ZNF280D: variants seen among roughly 807,000 people sequenced by gnomAD.
ZNF280D encodes zinc finger protein 280D.
Under a neutral mutation model 94.7 loss-of-function variants are expected in ZNF280D, and 39 were observed. That is an observed-to-expected ratio of 0.41 (90% CI 0.32 to 0.54). The LOEUF (loss-of-function observed/expected upper bound fraction) is 0.54, where lower values mean the gene tolerates loss of function less well. Ranked by LOEUF, ZNF280D falls within the 20% of genes least tolerant of loss-of-function variation. The pLI is 0.22. For synonymous variants in ZNF280D, 398 were observed against 377.6 expected, an observed-to-expected ratio of 1.05 and a Z score of -0.63; for missense variants, 1,090 against 1,149.3, an observed-to-expected ratio of 0.95 and a Z score of 0.75.
At chr15:56,724,398 G>A (rs2058527080) in intron 1 of ZNF280D, among the ~76,000 whole-genome samples, 4 of 152,216 alleles carry the variant, frequency 2.6e-5, no homozygotes, top group Non-Finnish European at 1.5e-5. Context: ...GCAGTGAGGT[G>A]CAGAACAGGT....
intron 20 of ZNF280D, chr15:56,635,696 G>C (rs1177274114): frequency 2.6e-5 from 4 of 152,164 alleles, no homozygotes; most frequent in African/African-American, 4.8e-5. Context: ...ATTGAGTCAT[G>C]GTAACCCTTC....
At chr15:56,634,984 T>C (rs1265866486) in intron 21 of ZNF280D, among the ~76,000 whole-genome samples, 3 of 152,118 alleles carry the variant, frequency 2.0e-5, no homozygotes, top group Non-Finnish European at 4.4e-5. Context: ...ATATGCTCTA[T>C]ATGTTTAAAA....
chr15:56,719,357 C>CAA lies in ZNF280D; in HGVS notation c.-85-12053_-85-12052dup, dbSNP rs34460966. On this transcript the variant is annotated intron_variant, in intron 1 of 21. Coordinates refer to ENST00000267807, the MANE Select transcript of ZNF280D (RefSeq NM_017661.4). ...AAAAAAAAAACAAAAAACAAAAAACCAAAAAAAAAGCCTGGCACCTCCCTC... is the reference window on the plus strand; with the variant it reads ...AAAAAAAAAACAAAAAACAAAAAACCAAAAAAAAAAAGCCTGGCACCTCCCTC... Among the ~76,000 whole-genome samples the CAA allele has an allele frequency of 4.6e-4, 69 of 149,088 alleles. No individual in the cohort carries two copies. In the South Asian group the frequency reaches 9.3e-3, roughly 20 times the overall value.
intron 12 of ZNF280D, 27 bp downstream of exon 12, chr15:56,677,547 T>TA (rs1249365010): frequency 4.6e-6 from 7 of 1,529,336 alleles, no homozygotes; most frequent in Non-Finnish European, 6.3e-6. Flanking sequence ...ACCAAACACT[T>TA]AAAAAAACAA....
At chr15:56,702,844 C>A (rs917074817) in intron 4 of ZNF280D, among the ~76,000 whole-genome samples, 4 of 149,784 alleles carry the variant, frequency 2.7e-5, no homozygotes, top group African/African-American at 9.8e-5. Flanking sequence ...GTAAGTGAAG[C>A]AAGAACTAGG....
intron 1 of ZNF280D, among the ~76,000 whole-genome samples, chr15:56,712,372 G>A (rs1330223080): frequency 2.0e-5 from 3 of 151,848 alleles, no homozygotes; most frequent in Admixed American, 2.0e-4. Flanking sequence ...TGGGCATAGT[G>A]GCTCATGCCT....
chr15:56,722,164 A>G (rs1008894406), intron 1 of ZNF280D, among the ~76,000 whole-genome samples: 1 of 152,206 alleles, frequency 6.6e-6, no homozygotes, highest in South Asian at 2.1e-4. Context: ...ACCATTTTAC[A>G]TGAGTGCAGT....
At chr15:56,669,890 A>ATATATATATTTTATATATAT (rs2054600172) in intron 13 of ZNF280D, among the ~76,000 whole-genome samples, 1 of 6,620 alleles carries the variant, frequency 1.5e-4, no homozygotes, top group African/African-American at 6.3e-4. Context: ...TATATATATT[A>ATATATATATTTTATATATAT]TATATATATA....
In ZNF280D at chr15:56,696,561, T is replaced by C. The variant is rs149933213; in HGVS notation, c.382-3346A>G. 1.4e-3 allele frequency among the ~76,000 whole-genome samples: 213 copies of C among 152,260 alleles called. 1 individual carries two copies. The highest frequency in any genetic ancestry group is 4.5e-3 in the African/African-American group (188 of 41,548). On this transcript the variant is annotated intron_variant, in intron 6 of 21. Coordinates refer to ENST00000267807, the MANE Select transcript of ZNF280D (RefSeq NM_017661.4). ...ACATTGACTTTCTGGGTCATAATAA[T>C]ATATCCCATCCCTGCCAACCTGAAA...
chr15:56,721,804 C>T (rs1596676396), intron 1 of ZNF280D, among the ~76,000 whole-genome samples: 1 of 152,126 alleles, frequency 6.6e-6, no homozygotes, highest in South Asian at 2.1e-4. Flanking sequence ...AATGCTGTTC[C>T]ACTTTCTTAT....
At position 56,658,424 on chromosome 15, in the gene ZNF280D, C is replaced by T. The variant is rs1366808104; in HGVS notation, c.2057G>A (p.Arg686Gln). 1.9e-6 allele frequency: 3 copies of T among 1,584,214 alleles called. No individual in the cohort carries two copies. The highest frequency in any genetic ancestry group is 2.3e-5 in the East Asian group (1 of 43,646). The change falls in exon 17 of 22, where the codon CGG (arginine) becomes CAG (glutamine). Residue 686 changes from arginine (R) to glutamine (Q), a missense_variant and splice_region_variant. By Grantham distance (43) the Arg-to-Gln change is conservative. Transcript: ENST00000267807. ...CIFKKHSENL[R>Q]GITLVCLNCD... ...GAGTAAAAAAAGATCAACTAGTTAC[C>T]GGAGATTTTCTGAATGCTTCTTAAA...
At chr15:56,653,081 A>C (rs1453816866) in intron 19 of ZNF280D, 8 of 984,496 alleles carry the variant, frequency 8.1e-6, no homozygotes, top group Non-Finnish European at 9.7e-6. Context: ...ATACTGGTTA[A>C]TAGATTTTAT....
rs562918233 is a variant in ZNF280D, at chr15:56,685,178, C to A, written c.781-2701G>T. Among the ~76,000 whole-genome samples, 32 of 152,162 alleles carry A rather than the reference C, an allele frequency of 2.1e-4. No individual in the cohort carries two copies. The South Asian group carries it at 6.4e-3, about 31-fold the overall frequency. Reference sequence around the variant, plus strand: ...ACAGTCAAATTGCTTTGAACATGAACGACCTCACAGAAAGATGTTTTCAGA... The same window carrying A: ...ACAGTCAAATTGCTTTGAACATGAAAGACCTCACAGAAAGATGTTTTCAGA... On this transcript the variant is annotated intron_variant, in intron 9 of 21. Transcript: ENST00000267807.
chr15:56,707,404 TATATC>T (rs2141254936), intron 1 of ZNF280D, 98 bp from the exon 2 acceptor site: 2 of 975,736 alleles, frequency 2.0e-6, no homozygotes, highest in South Asian at 3.0e-5. Context: ...TTATGTTTGA[TATATC>T]TGATATACAC....
intron 1 of ZNF280D, among the ~76,000 whole-genome samples, chr15:56,716,442 C>T (rs1387981658): frequency 6.9e-6 from 1 of 144,316 alleles, no homozygotes; most frequent in African/African-American, 2.6e-5. Context: ...ACTGAATGTG[C>T]AAAAGACCTA....
chr15:56,703,999 C>A lies in ZNF280D; in HGVS notation c.175+122G>T, dbSNP rs189928104. 9.7e-5 allele frequency: 100 copies of A among 1,029,544 alleles called. No individual in the cohort carries two copies. The Admixed American group carries it at 1.5e-3, about 16-fold the overall frequency. 63.8% of individuals were successfully genotyped at this position (1,029,544 alleles called of 1,614,324 possible). A position where few individuals can be genotyped will look rare whatever the true frequency, so the allele number is the denominator to read the frequency against. On this transcript the variant is annotated intron_variant, in intron 4 of 21. Coordinates refer to ENST00000267807, the MANE Select transcript of ZNF280D (RefSeq NM_017661.4). ...TAATCTCTTACCTCCTTCCTCAAGT[C>A]CCCAATCATGTTCCTCTTTACAGTG...
chr15:56,682,499 A>AT (rs2141007445), intron 9 of ZNF280D, 22 bp from the exon 10 acceptor site: 1 of 1,450,382 alleles, frequency 6.9e-7, no homozygotes, highest in South Asian at 1.3e-5. Context: ...AAAAAAAAAA[A>AT]AAAAACAAGC....
At chr15:56,650,989 C>G (rs1884830100) in intron 19 of ZNF280D, among the ~76,000 whole-genome samples, 1 of 152,128 alleles carries the variant, frequency 6.6e-6, no homozygotes, top group Admixed American at 6.6e-5. Flanking sequence ...CATATTTCTC[C>G]ATAGTATTGA....
intron 19 of ZNF280D, chr15:56,645,465 T>C (rs1399796998): frequency 6.6e-6 from 1 of 152,238 alleles, no homozygotes; most frequent in African/African-American, 2.4e-5. Context: ...GATGTATTTC[T>C]ACAGGACAAG....
Sources: gnomAD v4.1 joint callset for allele counts (sites outside exome capture counted in the v4.1 genomes callset) on GRCh38, gnomAD v4.1.1 for gene constraint, MANE v1.5 for transcripts, NCBI Gene and HGNC (gene_info 2026-07-23, HGNC 2026-07-21) for gene names.